The following C1orf185 variants were observed in gnomAD, a reference collection of about 807,000 sequenced individuals.
The protein encoded by C1orf185 is chromosome 1 open reading frame 185.
C1orf185 carries 13 observed loss-of-function variants against 16.1 expected under a neutral mutation model. The observed-to-expected ratio is 0.81, with a 90% CI of 0.53 to 1.28. The LOEUF (loss-of-function observed/expected upper bound fraction) is 1.28, where lower values mean the gene tolerates loss of function less well. C1orf185 is among the 50% of genes most tolerant of loss of function. The probability of loss-of-function intolerance (pLI) is 0.00; values close to 1 mark genes in which losing one functional copy is unlikely to be tolerated. For synonymous variants in C1orf185, 80 were observed against 76.9 expected (o/e 1.04, Z -0.21); for missense variants, 220 against 225.2 (o/e 0.98, Z 0.15).
At chr1:51,110,385 T>G (rs1646107408) in intron 1 of C1orf185, among the ~76,000 whole-genome samples, 1 of 152,218 alleles carries the variant, frequency 6.6e-6, no homozygotes, top group African/African-American at 2.4e-5. Flanking sequence ...AGTATCACTT[T>G]GAGAAATAAC....
chr1:51,113,336 C>T (rs986308342), intron 2 of C1orf185, among the ~76,000 whole-genome samples: 1 of 151,708 alleles, frequency 6.6e-6, no homozygotes, highest in Non-Finnish European at 1.5e-5. Flanking sequence ...TAATTCCTTT[C>T]AACTGTAAAA....
intron 4 of C1orf185, among the ~76,000 whole-genome samples, chr1:51,146,185 G>A (rs985950367): frequency 5.3e-5 from 8 of 151,986 alleles, no homozygotes; most frequent in African/African-American, 1.7e-4. Flanking sequence ...TAGACCAGGC[G>A]TGGTGTCTCA....
downstream of C1orf185, among the ~76,000 whole-genome samples, chr1:51,150,237 G>A (rs890510010): frequency 1.3e-5 from 2 of 151,170 alleles, no homozygotes; most frequent in South Asian, 2.1e-4. Flanking sequence ...TGTCACCCGG[G>A]CTAGAGTGCA....
At chr1:51,141,836 A>AT (rs1178513310) in intron 3 of C1orf185, among the ~76,000 whole-genome samples, 3 of 151,928 alleles carry the variant, frequency 2.0e-5, no homozygotes, top group South Asian at 2.1e-4. Context: ...TATATATATA[A>AT]TTTTTTTTCT....
At chr1:51,144,978 C>T (rs1049951612) in intron 3 of C1orf185, among the ~76,000 whole-genome samples, 3 of 152,140 alleles carry the variant, frequency 2.0e-5, no homozygotes, top group African/African-American at 4.8e-5. Flanking sequence ...CCCAAGCCCA[C>T]TTCTAGAGAA....
At chr1:51,109,553 A>G (rs1020476369) in intron 1 of C1orf185, among the ~76,000 whole-genome samples, 21 of 151,724 alleles carry the variant, frequency 1.4e-4, no homozygotes, top group African/African-American at 5.1e-4. Flanking sequence ...GGGCTCTTAC[A>G]TTTAAGTCTT....
At chr1:51,117,480 A>G (rs867034123) in intron 2 of C1orf185, among the ~76,000 whole-genome samples, 2 of 152,106 alleles carry the variant, frequency 1.3e-5, no homozygotes, top group Admixed American at 1.3e-4. Context: ...GAGTATTTTC[A>G]CTGCCCTAAA....
At chr1:51,126,557 C>T (rs1355463524) in intron 3 of C1orf185, among the ~76,000 whole-genome samples, 1 of 152,168 alleles carries the variant, frequency 6.6e-6, no homozygotes, top group Non-Finnish European at 1.5e-5. Context: ...CTGCACCCAA[C>T]TCGTATTACT....
chr1:51,122,248 A>G (rs1646202947), intron 3 of C1orf185, among the ~76,000 whole-genome samples: 2 of 152,212 alleles, frequency 1.3e-5, no homozygotes. Flanking sequence ...GCTGCATTAT[A>G]GGGTAAGTGC....
chr1:51,123,789 G>A (rs1646214892), intron 3 of C1orf185, among the ~76,000 whole-genome samples: 1 of 151,832 alleles, frequency 6.6e-6, no homozygotes. Flanking sequence ...GTGCTTATTT[G>A]CTATCTATCT....
chr1:51,115,940 C>T (rs1158338189), intron 2 of C1orf185, among the ~76,000 whole-genome samples: 2 of 152,004 alleles, frequency 1.3e-5, no homozygotes, highest in Non-Finnish European at 2.9e-5. Context: ...AACTTTTTGC[C>T]GTAAGCAGAT....
rs181297827 is a variant in C1orf185, at chr1:51,106,632, G to T, written c.16+4383G>T. ...CCACTGCATTCCAGCCTGGGCAACAGAGTCAGGCCTTGCCTCCAATACATA... is the reference window on the plus strand; with the variant it reads ...CCACTGCATTCCAGCCTGGGCAACATAGTCAGGCCTTGCCTCCAATACATA... On this transcript the variant is annotated intron_variant, in intron 1 of 4. Coordinates refer to ENST00000371759, the MANE Select transcript of C1orf185 (RefSeq NM_001136508.2). 2.6e-4 allele frequency among the ~76,000 whole-genome samples: 40 copies of T among 152,090 alleles called. 3 individuals are homozygous for T. The highest frequency in any genetic ancestry group is 9.4e-4 in the African/African-American group (39 of 41,480).
At chr1:51,130,224 T>C (rs886216368) in intron 3 of C1orf185, among the ~76,000 whole-genome samples, 1 of 152,228 alleles carries the variant, frequency 6.6e-6, no homozygotes, top group Non-Finnish European at 1.5e-5. Context: ...ATATATTTAA[T>C]GCCCAGGAAT....
intron 4 of C1orf185, among the ~76,000 whole-genome samples, chr1:51,146,444 G>A (rs1460008260): frequency 1.4e-5 from 2 of 146,284 alleles, no homozygotes; most frequent in Non-Finnish European, 3.0e-5. Context: ...GGGTGACAGA[G>A]CAAGACTGTC....
intron 3 of C1orf185, among the ~76,000 whole-genome samples, chr1:51,123,624 C>T (rs553063627): frequency 2.0e-5 from 3 of 152,260 alleles, no homozygotes; most frequent in African/African-American, 7.2e-5. Context: ...TCTGCATTTC[C>T]ACCCGCAATG....
intron 3 of C1orf185, among the ~76,000 whole-genome samples, chr1:51,121,350 T>C (rs1200656415): frequency 1.3e-5 from 2 of 152,120 alleles, no homozygotes; most frequent in Non-Finnish European, 2.9e-5. Flanking sequence ...GATTCCACAT[T>C]TGAGTGAAAT....
chr1:51,111,051 G>A (rs902540337), intron 1 of C1orf185, among the ~76,000 whole-genome samples: 5 of 152,092 alleles, frequency 3.3e-5, no homozygotes, highest in South Asian at 2.1e-4. Context: ...AGCTTTCTAC[G>A]GTTTACTTTA....
At chr1:51,111,956 C>T (rs1286973953) in intron 1 of C1orf185, among the ~76,000 whole-genome samples, 2 of 152,196 alleles carry the variant, frequency 1.3e-5, no homozygotes, top group African/African-American at 2.4e-5. Context: ...GCCGCCACGC[C>T]CATCCTCATT....
intron 1 of C1orf185, among the ~76,000 whole-genome samples, chr1:51,106,705 A>G (rs1366224118): frequency 6.6e-6 from 1 of 151,970 alleles, no homozygotes; most frequent in Non-Finnish European, 1.5e-5. Flanking sequence ...GTAAACACCC[A>G]TGTAATCTCC....
Sources: allele counts gnomAD v4.1 joint callset (sites outside exome capture counted in the v4.1 genomes callset), GRCh38; gene constraint gnomAD v4.1.1; transcripts MANE v1.5; gene names NCBI Gene and HGNC (gene_info 2026-07-23, HGNC 2026-07-21).